CPQ: variants seen among roughly 807,000 people sequenced by gnomAD.
CPQ encodes carboxypeptidase Q.
CPQ carries 37 observed loss-of-function variants against 45.7 expected under a neutral mutation model. The observed-to-expected ratio is 0.81, with a 90% CI of 0.62 to 1.07. The LOEUF is 1.07. CPQ is among the 50% of genes least tolerant of loss of function. The probability of loss-of-function intolerance (pLI) is 0.00; values close to 1 mark genes in which losing one functional copy is unlikely to be tolerated. For missense variants in CPQ, 537 were observed against 572.9 expected (o/e 0.94, Z 0.64); for synonymous variants, 186 against 205.8 (o/e 0.90, Z 0.82).
At chr8:96,826,773 C>T (rs986746091) in intron 2 of CPQ, among the ~76,000 whole-genome samples, 14 of 151,994 alleles carry the variant, frequency 9.2e-5, no homozygotes, top group Non-Finnish European at 4.4e-5. Flanking sequence ...CAATGCTCTC[C>T]CTCCCCGTAC....
chr8:96,880,854 A>C (rs979474322), intron 4 of CPQ, among the ~76,000 whole-genome samples: 1 of 152,048 alleles, frequency 6.6e-6, no homozygotes, highest in African/African-American at 2.4e-5. Context: ...GACGGGTTCA[A>C]CTGAAGCCAA....
intron 4 of CPQ, among the ~76,000 whole-genome samples, chr8:96,944,621 C>T (rs984673975): frequency 1.3e-5 from 2 of 152,032 alleles, no homozygotes; most frequent in African/African-American, 4.8e-5. Context: ...AAATATAATC[C>T]ACTGTACGAG....
chr8:96,972,584 C>G (rs903109716), intron 5 of CPQ, among the ~76,000 whole-genome samples: 2 of 152,218 alleles, frequency 1.3e-5, no homozygotes, highest in African/African-American at 4.8e-5. Context: ...CAACACAAAA[C>G]CAACACTCTA....
At chr8:96,789,927 A>G (rs1362039913) in intron 2 of CPQ, among the ~76,000 whole-genome samples, 1 of 152,108 alleles carries the variant, frequency 6.6e-6, no homozygotes, top group East Asian at 1.9e-4. Context: ...GACCTAGGAC[A>G]TGTGTGTAGC....
chr8:96,864,217 C>A (rs1811966845), intron 3 of CPQ, among the ~76,000 whole-genome samples: 1 of 152,004 alleles, frequency 6.6e-6, no homozygotes, highest in Non-Finnish European at 1.5e-5. Context: ...CCTGCAGTGC[C>A]TCACCCTGTC....
At chr8:97,106,593 C>A (rs898307191) in intron 7 of CPQ, among the ~76,000 whole-genome samples, 5 of 152,200 alleles carry the variant, frequency 3.3e-5, no homozygotes, top group South Asian at 2.1e-4. Context: ...AAATTAAATT[C>A]TTCAGTTGCA....
intron 6 of CPQ, among the ~76,000 whole-genome samples, chr8:97,044,591 T>C (rs1186883085): frequency 6.6e-6 from 1 of 152,250 alleles, no homozygotes; most frequent in Non-Finnish European, 1.5e-5. Context: ...TTTTCTGCTC[T>C]GTTTTTTCCC....
At chr8:96,812,657 G>T (rs1371477258) in intron 2 of CPQ, among the ~76,000 whole-genome samples, 1 of 152,036 alleles carries the variant, frequency 6.6e-6, no homozygotes, top group Non-Finnish European at 1.5e-5. Context: ...CTTTAGATAA[G>T]AACATCTTTG....
chr8:96,966,087 C>T (rs1586471058), intron 5 of CPQ, 41 bp downstream of exon 5: 1 of 1,408,686 alleles, frequency 7.1e-7, no homozygotes. Context: ...GTGAGGATCT[C>T]AGTGACATGT....
chr8:96,787,525 C>CTTTTTTTTTTTTTTTTTTTTTTTTTTT lies in CPQ; in HGVS notation c.433+2199_433+2225dup, dbSNP rs71267281. ...TTGTAGTTTCATTTTCTTATAATGT[C>CTTTTTTTTTTTTTTTTTTTTTTTTTTT]TTTTTTTTTTTTTTTTTTTTTTTTT... On this transcript the variant is annotated intron_variant, in intron 2 of 7. Transcript: ENST00000220763. Among the ~76,000 whole-genome samples the CTTTTTTTTTTTTTTTTTTTTTTTTTTT allele has an allele frequency of 1.2e-3, 58 of 47,588 alleles. 17 individuals are homozygous for CTTTTTTTTTTTTTTTTTTTTTTTTTTT. Among genetic ancestry groups the CTTTTTTTTTTTTTTTTTTTTTTTTTTT allele is most frequent in the South Asian group, 2.0e-3 (2 of 984 alleles). The allele number at this position is 47,588 out of a possible 152,430, so 31.2% of individuals were successfully genotyped here.
intron 1 of CPQ, among the ~76,000 whole-genome samples, chr8:96,711,809 C>T (rs180853230): frequency 3.1e-4 from 47 of 152,208 alleles, no homozygotes; most frequent in African/African-American, 9.2e-4. Context: ...CCTCTAGCCC[C>T]TCCCAAATCT....
intron 2 of CPQ, among the ~76,000 whole-genome samples, chr8:96,794,001 G>A (rs1810889027): frequency 6.6e-6 from 1 of 152,174 alleles, no homozygotes. Context: ...CTGGTCTTGA[G>A]TGTCTGCAGT....
intron 4 of CPQ, among the ~76,000 whole-genome samples, chr8:96,925,581 C>T (rs144826994): frequency 2.1e-3 from 323 of 152,222 alleles, no homozygotes; most frequent in Middle Eastern, 6.8e-3. Context: ...CAGGGTTTTG[C>T]CAGGTTAGCC....
intron 6 of CPQ, among the ~76,000 whole-genome samples, chr8:97,034,560 T>C (rs1041421663): frequency 6.6e-6 from 1 of 152,208 alleles, no homozygotes; most frequent in Non-Finnish European, 1.5e-5. Context: ...TTTATTGAAG[T>C]TTAATTAGCA....
At chr8:97,083,909 C>T (rs1810998896) in intron 7 of CPQ, among the ~76,000 whole-genome samples, 1 of 152,148 alleles carries the variant, frequency 6.6e-6, no homozygotes, top group African/African-American at 2.4e-5. Flanking sequence ...GGGACAAGTA[C>T]CTCTGTAAGC....
At chr8:97,032,742 C>T (rs897088704) in intron 6 of CPQ, among the ~76,000 whole-genome samples, 2 of 152,158 alleles carry the variant, frequency 1.3e-5, no homozygotes, top group Admixed American at 1.3e-4. Context: ...TCTAGCAACA[C>T]ACAAAAAGAA....
intron 6 of CPQ, among the ~76,000 whole-genome samples, chr8:97,058,725 A>G (rs982218134): frequency 3.9e-5 from 6 of 152,202 alleles, no homozygotes; most frequent in Admixed American, 2.6e-4. Flanking sequence ...ACGTGAAACC[A>G]GTAGCATGAA....
intron 4 of CPQ, among the ~76,000 whole-genome samples, chr8:96,956,382 A>G (rs760702894): frequency 2.0e-5 from 3 of 151,242 alleles, no homozygotes; most frequent in East Asian, 1.9e-4. Context: ...TTTTCGGACC[A>G]TTTTTTTTGA....
rs574479086 is a variant in CPQ at position 96,678,229 on chromosome 8, G to A, written c.-35+32827G>A. Reference sequence around the variant, plus strand: ...GAAGAATGATGATGGTATTTTGATGGGAATTGCATTGAATCCGTATATTGC... The same window carrying A: ...GAAGAATGATGATGGTATTTTGATGAGAATTGCATTGAATCCGTATATTGC... On this transcript the variant is annotated intron_variant, in intron 1 of 7. Transcript: ENST00000220763. Among the ~76,000 whole-genome samples the A allele has an allele frequency of 9.2e-5, 14 of 152,140 alleles. No individual in the cohort carries two copies. In the South Asian group the frequency reaches 2.9e-3, roughly 32 times the overall value.
Sources: gnomAD v4.1 joint callset for allele counts (sites outside exome capture counted in the v4.1 genomes callset) on GRCh38, gnomAD v4.1.1 for gene constraint, MANE v1.5 for transcripts, NCBI Gene and HGNC (gene_info 2026-07-23, HGNC 2026-07-21) for gene names.